ATRX: variants seen among roughly 807,000 people sequenced by gnomAD.
ATRX encodes ATRX chromatin remodeler, also known as chromatin remodeler ATRX.
ATRX carries 12 observed loss-of-function variants against 172.6 expected under a neutral mutation model. The ratio of observed to expected loss-of-function variants is 0.07; its 90% CI spans 0.04 to 0.11. ATRX has a LOEUF of 0.11. Ranked by LOEUF, ATRX falls within the 10% of genes least tolerant of loss-of-function variation. The probability of loss-of-function intolerance (pLI) is 1.00; values close to 1 mark genes in which losing one functional copy is unlikely to be tolerated. For missense variants in ATRX, 1,368 were observed against 1,767.4 expected (o/e 0.77, Z 4.05); for synonymous variants, 674 against 594.7 (o/e 1.13, Z -1.94).
chrX:77,519,304 G>GA (rs1185163772), intron 34 of ATRX, among the ~76,000 whole-genome samples: 7 of 109,839 alleles, frequency 6.4e-5, no homozygotes, highest in African/African-American at 1.7e-4. Flanking sequence ...AACTGCATAG[G>GA]AAAAAAAATC....
chrX:77,618,293 T>C (rs1457571480), intron 21 of ATRX, among the ~76,000 whole-genome samples: 1 of 111,938 alleles, frequency 8.9e-6, no homozygotes, highest in East Asian at 2.8e-4. Context: ...TTAATATAGA[T>C]TCACTGAAAA....
At chrX:77,660,390 C>A (rs1026949000) in intron 12 of ATRX, among the ~76,000 whole-genome samples, 1 of 109,364 alleles carries the variant, frequency 9.1e-6, no homozygotes, top group Non-Finnish European at 1.9e-5. Context: ...ACGGTGAAAC[C>A]CTGTTTCTAC....
At chrX:77,513,242 G>A (rs887731292) in intron 34 of ATRX, among the ~76,000 whole-genome samples, 4 of 105,835 alleles carry the variant, frequency 3.8e-5, no homozygotes, top group Non-Finnish European at 5.8e-5. Flanking sequence ...GCCTGAACCC[G>A]GGAGGCGGAG....
At chrX:77,749,855 G>A (rs1254651190) in intron 1 of ATRX, among the ~76,000 whole-genome samples, 2 of 110,506 alleles carry the variant, frequency 1.8e-5, no homozygotes, top group Non-Finnish European at 3.8e-5. Context: ...TGCTATATAC[G>A]CTGCCTGCCC....
chrX:77,627,769 A>C (rs782797088), intron 19 of ATRX, among the ~76,000 whole-genome samples: 4 of 109,793 alleles, frequency 3.6e-5, no homozygotes, highest in Admixed American at 9.8e-5. Context: ...CAGAAGGCTG[A>C]ACTGGGAGGA....
intron 30 of ATRX, among the ~76,000 whole-genome samples, chrX:77,527,241 G>A (rs2063411793): frequency 8.9e-6 from 1 of 112,190 alleles, no homozygotes; most frequent in Admixed American, 9.4e-5. Context: ...GCTGTGGTCT[G>A]TGGCACTCAC....
intron 30 of ATRX, among the ~76,000 whole-genome samples, chrX:77,538,927 A>C (rs2063860000): frequency 1.0e-5 from 1 of 97,103 alleles, no homozygotes; most frequent in Non-Finnish European, 2.0e-5. Context: ...ACAGAGTCTC[A>C]CTCTGTCGCC....
intron 22 of ATRX, among the ~76,000 whole-genome samples, chrX:77,613,163 A>G (rs782166474): frequency 1.6e-4 from 18 of 111,327 alleles, no homozygotes; most frequent in Non-Finnish European, 2.8e-4. Flanking sequence ...TTTCTGAGTT[A>G]CTACAATGTT....
intron 1 of ATRX, among the ~76,000 whole-genome samples, chrX:77,774,673 T>A: frequency 9.2e-6 from 1 of 108,645 alleles, no homozygotes; most frequent in African/African-American, 3.3e-5. Flanking sequence ...TGAGACTCTG[T>A]CTCAAAAAAA....
intron 10 of ATRX, chrX:77,675,266 T>G (rs1304924392): frequency 8.9e-6 from 1 of 112,123 alleles, no homozygotes; most frequent in Non-Finnish European, 1.9e-5. Context: ...TATCATGGAT[T>G]TTTTGGTACT....
intron 30 of ATRX, among the ~76,000 whole-genome samples, chrX:77,534,283 C>T (rs1158539222): frequency 9.0e-6 from 1 of 111,391 alleles, no homozygotes; most frequent in Non-Finnish European, 1.9e-5. Context: ...CTAAATCTTC[C>T]CCTTTTAAAT....
At chrX:77,557,242 GA>G (rs1216244425) in intron 30 of ATRX, among the ~76,000 whole-genome samples, 1 of 111,618 alleles carries the variant, frequency 9.0e-6, no homozygotes, top group Non-Finnish European at 1.9e-5. Context: ...ATGTGTTTCA[GA>G]ATATACTATC....
intron 1 of ATRX, among the ~76,000 whole-genome samples, chrX:77,776,565 A>C (rs1439897285): frequency 8.9e-6 from 1 of 112,312 alleles, no homozygotes; most frequent in African/African-American, 3.2e-5. Context: ...TTCATCAGTG[A>C]CTTTTTTTAA....
At chrX:77,740,735 T>C (rs920548682) in intron 1 of ATRX, among the ~76,000 whole-genome samples, 1 of 110,187 alleles carries the variant, frequency 9.1e-6, no homozygotes, top group Admixed American at 9.8e-5. Context: ...AGGGTTCCAG[T>C]GTAATAACAG....
intron 1 of ATRX, among the ~76,000 whole-genome samples, chrX:77,744,835 A>G (rs1399065975): frequency 2.7e-5 from 3 of 109,981 alleles, no homozygotes; most frequent in African/African-American, 9.9e-5. Context: ...GAACAATTAA[A>G]AACTAGCTGG....
intron 30 of ATRX, among the ~76,000 whole-genome samples, chrX:77,533,292 T>C (rs1045481702): frequency 2.7e-5 from 3 of 112,428 alleles, no homozygotes; most frequent in Non-Finnish European, 3.8e-5. Flanking sequence ...CCCAAAGGAA[T>C]AGAAATCATT....
At chrX:77,674,335 G>C (rs1441403336) in intron 10 of ATRX, 1 of 110,547 alleles carries the variant, frequency 9.0e-6, no homozygotes, top group Non-Finnish European at 1.9e-5. Context: ...ATACCTCTTT[G>C]GTATAGTGAA....
chrX:77,685,041 C>G, intron 7 of ATRX, 35 bp from the exon 8 acceptor site: 2 of 1,060,638 alleles, frequency 1.9e-6, no homozygotes, highest in Non-Finnish European at 2.6e-6. Context: ...AAATTTAATT[C>G]GAAATTGATA....
chrX:77,698,593 A>G lies in ATRX; in HGVS notation c.170T>C (p.Met57Thr). 8.3e-7 allele frequency: 1 copy of G among 1,206,399 alleles called. No homozygotes were observed. Among genetic ancestry groups the G allele is most frequent in the Non-Finnish European group, 1.1e-6 (1 of 890,841 alleles). The change falls in exon 3 of 35, where the codon ATG becomes ACG. Residue 57 changes from methionine (M) to threonine (T), a missense_variant. This residue lies in a region of ATRX where 84 missense variants were observed against 82.8 expected (regional missense o/e 1.01). Transcript: ENST00000373344. ...ISGSGSNSDM[M>T]ENSKEEGTSS... is the part of the protein sequence containing the mutation. The stretch of plus-strand genomic sequence containing the variant: ...CCTTACCTCTTCCTTGCTGTTTTCC[A>G]TCATATCAGAGTTACTTCCAGAACC...
Sources: gnomAD v4.1 joint callset for allele counts (sites outside exome capture counted in the v4.1 genomes callset) on GRCh38, gnomAD v4.1.1 for gene constraint, gnomAD v4.1.1 regional missense constraint, MANE v1.5 for transcripts, NCBI Gene and HGNC (gene_info 2026-07-23, HGNC 2026-07-21) for gene names.